SH2D4B: variants seen among roughly 807,000 people sequenced by gnomAD.
The protein encoded by SH2D4B is SH2 domain containing 4B.
A neutral mutation model predicts 61.5 loss-of-function variants in SH2D4B; 45 were observed. That is an observed-to-expected ratio of 0.73 (90% CI 0.58 to 0.94). SH2D4B has a LOEUF of 0.94. Ranked by LOEUF, SH2D4B falls within the 40% of genes least tolerant of loss-of-function variation. SH2D4B has a pLI of 0.00. For synonymous variants in SH2D4B, 224 were observed against 220.4 expected (o/e 1.02, Z -0.14); for missense variants, 572 against 574.2 (o/e 1.00, Z 0.04).
intron 6 of SH2D4B, among the ~76,000 whole-genome samples, chr10:80,615,661 A>T (rs1195267284): frequency 6.6e-6 from 1 of 152,186 alleles, no homozygotes; most frequent in Non-Finnish European, 1.5e-5. Context: ...AGAGGGAGAG[A>T]GTGTGCCAGT....
chr10:80,631,453 T>C (rs1360720476), intron 6 of SH2D4B, among the ~76,000 whole-genome samples: 4 of 152,188 alleles, frequency 2.6e-5, no homozygotes, highest in Admixed American at 2.6e-4. Context: ...CTTGCTATGT[T>C]GCCCAGGCTG....
intron 5 of SH2D4B, among the ~76,000 whole-genome samples, chr10:80,606,917 TA>T (rs2132142418): frequency 6.6e-6 from 1 of 152,340 alleles, no homozygotes; most frequent in South Asian, 2.1e-4. Context: ...TGTAATTGTT[TA>T]CAGTGAATTT....
At chr10:80,616,466 AAAG>A (rs1343877810) in intron 6 of SH2D4B, among the ~76,000 whole-genome samples, 1 of 152,240 alleles carries the variant, frequency 6.6e-6, no homozygotes, top group African/African-American at 2.4e-5. Context: ...AAGAGACTAC[AAAG>A]AAGAATGAGA....
rs187875419 is a variant in SH2D4B at position 80,621,944 on chromosome 10, A to G, written c.989-12341A>G. 5.4e-3 allele frequency among the ~76,000 whole-genome samples: 820 copies of G among 152,070 alleles called. 5 individuals are homozygous for G. Among genetic ancestry groups the G allele is most frequent in the African/African-American group, 0.019 (774 of 41,476 alleles). ...CACCATGTTGCTCAGGCTGGTCTCA[A>G]TCTCCTGACCTCATGATCCTCCCAC... On this transcript the variant is annotated intron_variant, in intron 6 of 7. Coordinates refer to ENST00000646907, the MANE Select transcript of SH2D4B (RefSeq NM_001388272.1).
chr10:80,551,783 C>T (rs1447643599), intron 1 of SH2D4B, among the ~76,000 whole-genome samples: 6 of 152,190 alleles, frequency 3.9e-5, no homozygotes, highest in Admixed American at 1.3e-4. Flanking sequence ...TGCAGGTTCC[C>T]GAAGAGCTTG....
chr10:80,625,232 A>G (rs1358528375), intron 6 of SH2D4B, among the ~76,000 whole-genome samples: 1 of 151,950 alleles, frequency 6.6e-6, no homozygotes, highest in Non-Finnish European at 1.5e-5. Flanking sequence ...TACCACTCTC[A>G]ATGTCTATCT....
chr10:80,554,091 T>C (rs957061970), intron 1 of SH2D4B, among the ~76,000 whole-genome samples: 8 of 152,240 alleles, frequency 5.3e-5, no homozygotes, highest in Non-Finnish European at 8.8e-5. Context: ...ACATTCCTCC[T>C]GTGCTTAGTG....
intron 6 of SH2D4B, among the ~76,000 whole-genome samples, chr10:80,626,586 C>G (rs1214599369): frequency 4.6e-5 from 7 of 152,194 alleles, no homozygotes; most frequent in Non-Finnish European, 1.0e-4. Flanking sequence ...TTAAGCTTCT[C>G]TCATGTTAGA....
At chr10:80,616,420 T>G (rs890382523) in intron 6 of SH2D4B, among the ~76,000 whole-genome samples, 1 of 152,200 alleles carries the variant, frequency 6.6e-6, no homozygotes, top group Non-Finnish European at 1.5e-5. Context: ...TTCCTTCATG[T>G]TTTTTTCAGG....
rs1250241137 is a variant in SH2D4B, at chr10:80,538,356, A to G, written c.25A>G (p.Met9Val). MLQQILHD[M>V]YIDPELLAEL... is the part of the protein sequence containing the mutation. ...CATGCTGCAGCAGATCCTGCACGAC[A>G]TGTACATCGACCCCGAGCTCCTTGC... Residue 9 changes from methionine (M) to valine (V), a missense_variant, in exon 1 of 8, where the codon ATG becomes GTG. Physicochemically the swap from Met to Val is conservative, Grantham distance 21. Transcript: ENST00000646907. This position sits in a 1 kb window ranked among gnomAD's most constrained non-coding sequence, Gnocchi z 4.8. 7.2e-7 allele frequency: 1 copy of G among 1,380,834 alleles called. No individual in the cohort carries two copies. The highest frequency in any genetic ancestry group is 9.4e-7 in the Non-Finnish European group (1 of 1,060,728). 85.5% of individuals were successfully genotyped at this position (1,380,834 alleles called of 1,614,324 possible).
At chr10:80,584,903 C>T (rs756758840) in intron 3 of SH2D4B, among the ~76,000 whole-genome samples, 1 of 152,174 alleles carries the variant, frequency 6.6e-6, no homozygotes, top group Non-Finnish European at 1.5e-5. Context: ...ATTAATCAGA[C>T]ACATGGACGT....
chr10:80,607,593 T>G (rs926004120), intron 5 of SH2D4B: 2 of 152,272 alleles, frequency 1.3e-5, no homozygotes, highest in African/African-American at 4.8e-5. Context: ...TGCATGTGCA[T>G]GTGTGAATGT....
rs893591328 is a variant in SH2D4B, at chr10:80,546,702, T to C, written c.184+8187T>C. Among the ~76,000 whole-genome samples the C allele has an allele frequency of 5.9e-5, 9 of 152,194 alleles. 3 individuals are homozygous for C. Among genetic ancestry groups the C allele is most frequent in the Admixed American group, 5.9e-4 (9 of 15,294 alleles). ...CACCGCGCCCGGCTAATTTTTTTTG[T>C]ATTTTTAGTAGAGACGGGGTTTCAC... is the stretch of plus-strand genomic sequence containing the variant. On this transcript the variant is annotated intron_variant, in intron 1 of 7. Transcript: ENST00000646907.
chr10:80,621,995 A>G (rs1239216080), intron 6 of SH2D4B, among the ~76,000 whole-genome samples: 1 of 152,180 alleles, frequency 6.6e-6, no homozygotes, highest in East Asian at 1.9e-4. Flanking sequence ...TGCTGGGATT[A>G]CAGGTGTGAG....
At chr10:80,540,877 A>C in intron 1 of SH2D4B, 1 of 1,551,618 alleles carries the variant, frequency 6.4e-7, no homozygotes, top group South Asian at 1.2e-5. Flanking sequence ...CCACGGAGGA[A>C]TCTTCTCTTC....
intron 7 of SH2D4B, among the ~76,000 whole-genome samples, chr10:80,637,274 C>A (rs1342546296): frequency 1.3e-5 from 2 of 152,134 alleles, no homozygotes; most frequent in Non-Finnish European, 2.9e-5. Context: ...AATGCAGGCT[C>A]TTTTTTGGTT....
chr10:80,606,019 G>C (rs1332826356), intron 5 of SH2D4B, among the ~76,000 whole-genome samples: 1 of 152,158 alleles, frequency 6.6e-6, no homozygotes, highest in Non-Finnish European at 1.5e-5. Context: ...AAGGGGACAA[G>C]CAGCTGTGCA....
intron 1 of SH2D4B, among the ~76,000 whole-genome samples, chr10:80,553,706 G>C (rs866534872): frequency 2.6e-5 from 4 of 152,192 alleles, no homozygotes; most frequent in South Asian, 2.1e-4. Flanking sequence ...GTGGCTTAGC[G>C]TGACCAGCCC....
chr10:80,615,317 T>A (rs756344956), intron 6 of SH2D4B, among the ~76,000 whole-genome samples: 96 of 152,358 alleles, frequency 6.3e-4, no homozygotes, highest in Non-Finnish European at 1.1e-3. Flanking sequence ...CCCACATTTG[T>A]CCAGCAGTCA....
Sources: gnomAD v4.1 joint callset for allele counts (sites outside exome capture counted in the v4.1 genomes callset) on GRCh38, gnomAD v4.1.1 for gene constraint, Gnocchi (gnomAD v3.1) non-coding constraint, MANE v1.5 for transcripts, NCBI Gene and HGNC (gene_info 2026-07-23, HGNC 2026-07-21) for gene names.